Variants in TPTE2 observed in about 807,000 individuals in gnomAD.
TPTE2 encodes the protein transmembrane phosphoinositide 3-phosphatase and tensin homolog 2, also known as phosphatidylinositol 3,4,5-trisphosphate 3-phosphatase TPTE2.
A neutral mutation model predicts 78.6 loss-of-function variants in TPTE2; 53 were observed. The ratio of observed to expected loss-of-function variants is 0.67; its 90% CI spans 0.54 to 0.85. The LOEUF (loss-of-function observed/expected upper bound fraction) is 0.85, where lower values mean the gene tolerates loss of function less well. TPTE2 is among the 40% of genes least tolerant of loss of function. TPTE2 has a pLI of 0.00. For missense variants in TPTE2, 461 were observed against 623.0 expected (o/e 0.74, Z 2.77); for synonymous variants, 175 against 206.2 (o/e 0.85, Z 1.30).
intron 15 of TPTE2, among the ~76,000 whole-genome samples, chr13:19,434,123 G>A (rs939908539): frequency 2.6e-5 from 4 of 152,214 alleles, no homozygotes; most frequent in African/African-American, 7.2e-5. Context: ...AAAATATTAT[G>A]AGAAAAGGGT....
At chr13:19,433,132 G>A (rs1375636068) in intron 15 of TPTE2, among the ~76,000 whole-genome samples, 1 of 152,082 alleles carries the variant, frequency 6.6e-6, no homozygotes, top group Non-Finnish European at 1.5e-5. Flanking sequence ...TTTCCCTGGG[G>A]CAAGCTGTTC....
chr13:19,426,997 C>A (rs868178489), intron 17 of TPTE2, among the ~76,000 whole-genome samples: 1 of 151,952 alleles, frequency 6.6e-6, no homozygotes, highest in Admixed American at 6.6e-5. Flanking sequence ...AGCCACTGCA[C>A]CCGGCCTGTT....
At chr13:19,464,558 T>G (rs774436949) in intron 9 of TPTE2, 38 bp from the exon 13 acceptor site, 1 of 1,590,398 alleles carries the variant, frequency 6.3e-7, no homozygotes, top group Non-Finnish European at 8.6e-7. Flanking sequence ...AACATTATTA[T>G]AGATTTCATA....
chr13:19,544,934 TCACACACACA>T, the TPTE2 span, among the ~76,000 whole-genome samples: 8,939 of 142,382 alleles, frequency 0.063, 483 homozygotes, highest in African/African-American at 0.15. Flanking sequence ...ACGTGCACAC[TCACACACACA>T]CACACACACA....
intron 1 of TPTE2, among the ~76,000 whole-genome samples, chr13:19,496,804 G>A (rs1483971793): frequency 6.6e-6 from 1 of 152,198 alleles, no homozygotes; most frequent in Non-Finnish European, 1.5e-5. Flanking sequence ...GAGCCAAGAT[G>A]GCCGAACAGG....
At chr13:19,528,954 A>G (rs1205140340) in intron 1 of TPTE2, among the ~76,000 whole-genome samples, 1 of 152,048 alleles carries the variant, frequency 6.6e-6, no homozygotes, top group Admixed American at 6.6e-5. Flanking sequence ...CCCTGTCTCT[A>G]CTAAAAATAA....
At chr13:19,497,390 A>C (rs1881415139) in intron 1 of TPTE2, among the ~76,000 whole-genome samples, 1 of 134,978 alleles carries the variant, frequency 7.4e-6, no homozygotes. Context: ...CTGCAGACTT[A>C]AATGTCCCTG....
chr13:19,545,591 C>G, the TPTE2 span, among the ~76,000 whole-genome samples: 1 of 152,164 alleles, frequency 6.6e-6, no homozygotes, highest in Admixed American at 6.5e-5. Flanking sequence ...GCTGGAAGAG[C>G]TCTCATTGGA....
intron 6 of TPTE2, among the ~76,000 whole-genome samples, chr13:19,471,446 T>A (rs535034933): frequency 6.6e-6 from 1 of 152,324 alleles, no homozygotes; most frequent in Admixed American, 6.5e-5. Flanking sequence ...TCCACTGTTA[T>A]GTTTTTTGGT....
chr13:19,470,524 T>C (rs976742236), intron 6 of TPTE2, among the ~76,000 whole-genome samples: 1 of 152,102 alleles, frequency 6.6e-6, no homozygotes, highest in African/African-American at 2.4e-5. Flanking sequence ...CATTTGTTTA[T>C]TTTTATTTTT....
At chr13:19,436,262 G>C in exon 15 of TPTE2, 2 of 1,613,348 alleles carry the variant, frequency 1.2e-6, no homozygotes, top group Non-Finnish European at 1.7e-6. Flanking sequence ...ATTTATTGCT[G>C]TGGGTTTTAT....
upstream of TPTE2, among the ~76,000 whole-genome samples, chr13:19,539,469 G>A (rs866052627): frequency 1.3e-5 from 2 of 152,090 alleles, no homozygotes; most frequent in South Asian, 2.1e-4. Context: ...CTTCTCCTTC[G>A]CTTTCTGATT....
intron 13 of TPTE2, among the ~76,000 whole-genome samples, chr13:19,442,422 A>G (rs115347725): frequency 0.038 from 5,721 of 152,130 alleles, 393 homozygotes; most frequent in African/African-American, 0.13. Flanking sequence ...GGATGAAACT[A>G]AAGCAATTCT....
chr13:19,436,427 T>C (rs1254762321), intron 14 of TPTE2, 121 bp from the exon 18 acceptor site: 16 of 982,014 alleles, frequency 1.6e-5, no homozygotes, highest in Non-Finnish European at 2.2e-5. Context: ...GTTTGTTTGT[T>C]TTTTTGGTAG....
At chr13:19,485,350 T>C (rs1880603929) in intron 3 of TPTE2, among the ~76,000 whole-genome samples, 1 of 152,150 alleles carries the variant, frequency 6.6e-6, no homozygotes, top group Admixed American at 6.5e-5. Flanking sequence ...GAAAGTTTTT[T>C]TTTTCTTTCA....
the TPTE2 span, among the ~76,000 whole-genome samples, chr13:19,551,415 C>A: frequency 6.6e-6 from 1 of 152,024 alleles, no homozygotes; most frequent in Non-Finnish European, 1.5e-5. Flanking sequence ...CACTGCGAAA[C>A]CCCATCTCTA....
chr13:19,426,365 T>G (rs1349674082), intron 18 of TPTE2, 60 bp downstream of exon 21: 4 of 1,209,224 alleles, frequency 3.3e-6, no homozygotes, highest in Non-Finnish European at 4.9e-6. Context: ...AAAGCAAATC[T>G]GAAATAAAAT....
the TPTE2 span, among the ~76,000 whole-genome samples, chr13:19,555,803 C>CTTT: frequency 2.8e-4 from 23 of 81,058 alleles, no homozygotes; most frequent in African/African-American, 9.6e-4. Context: ...CAACAAATTT[C>CTTT]TTTTTTTTTT....
chr13:19,506,304 T>C (rs1869030640), upstream of TPTE2, among the ~76,000 whole-genome samples: 1 of 148,056 alleles, frequency 6.8e-6, no homozygotes, highest in East Asian at 2.0e-4. Context: ...CCCAAGTAGC[T>C]GGGACTACAG....
Sources: gnomAD v4.1 joint callset for allele counts (sites outside exome capture counted in the v4.1 genomes callset) on GRCh38, gnomAD v4.1.1 for gene constraint, MANE v1.5 for transcripts, NCBI Gene and HGNC (gene_info 2026-07-23, HGNC 2026-07-21) for gene names.